The following SLC20A2 variants were observed in gnomAD, a reference collection of about 807,000 sequenced individuals.
The protein encoded by SLC20A2 is sodium-dependent phosphate transporter 2.
Under a neutral mutation model 61.0 loss-of-function variants are expected in SLC20A2, and 30 were observed. The observed-to-expected ratio is 0.49, with a 90% CI of 0.37 to 0.67. SLC20A2 has a LOEUF of 0.67. SLC20A2 is among the 30% of genes least tolerant of loss of function. The pLI is 0.00. For synonymous variants in SLC20A2, 351 were observed against 353.3 expected (o/e 0.99, Z 0.07); for missense variants, 626 against 866.4 (o/e 0.72, Z 3.48).
chr8:42,449,262 C>G (rs902173659), intron 5 of SLC20A2, among the ~76,000 whole-genome samples: 13 of 152,074 alleles, frequency 8.5e-5, no homozygotes, highest in Non-Finnish European at 1.8e-4. Flanking sequence ...GCCAGGAACC[C>G]GCGCAAGGAG....
chr8:42,537,808 G>A (rs1812804719), intron 1 of SLC20A2: 1 of 152,128 alleles, frequency 6.6e-6, no homozygotes, highest in African/African-American at 2.4e-5. Flanking sequence ...ACGCTACTTT[G>A]AAATTTTTAA....
At chr8:42,467,667 T>C (rs577824780) in intron 2 of SLC20A2, among the ~76,000 whole-genome samples, 91 of 152,292 alleles carry the variant, frequency 6.0e-4, no homozygotes, top group Admixed American at 1.1e-3. Flanking sequence ...TGCTGACCTT[T>C]GAGCTGAGGC....
chr8:42,457,066 G>A (rs1256869004), intron 5 of SLC20A2, among the ~76,000 whole-genome samples: 1 of 151,946 alleles, frequency 6.6e-6, no homozygotes, highest in East Asian at 1.9e-4. Context: ...TGGGATTACA[G>A]GTGCCCGCCA....
At chr8:42,515,911 C>A (rs1323986392) in intron 1 of SLC20A2, among the ~76,000 whole-genome samples, 2 of 152,158 alleles carry the variant, frequency 1.3e-5, no homozygotes, top group African/African-American at 4.8e-5. Flanking sequence ...TGCACTTCCA[C>A]AGGTCGGTAT....
chr8:42,469,203 G>A (rs1235285944), intron 2 of SLC20A2, among the ~76,000 whole-genome samples: 1 of 152,170 alleles, frequency 6.6e-6, no homozygotes, highest in African/African-American at 2.4e-5. Flanking sequence ...TGTGGTTTTG[G>A]CCAATGGTAA....
rs569882393 is a variant in SLC20A2 at position 42,484,920 on chromosome 8, CA to C, written c.-264-12267del. ...AGCTGGCCCTGAGACAGCAGCAGCA[CA>C]AAAAGGCCTCCAGGCCAAGAGGTGA... On this transcript the variant is annotated intron_variant, in intron 1 of 10. Coordinates refer to ENST00000520262, the MANE Select transcript of SLC20A2 (RefSeq NM_001257180.2). The C allele has an allele frequency of 1.2e-3, 493 of 414,172 alleles. 3 individuals carry two copies. The highest frequency in any genetic ancestry group is 8.1e-3 in the South Asian group (426 of 52,820). 25.7% of individuals were successfully genotyped at this position (414,172 alleles called of 1,614,324 possible).
intron 5 of SLC20A2, among the ~76,000 whole-genome samples, chr8:42,455,000 C>T (rs926058502): frequency 1.3e-5 from 2 of 151,532 alleles, no homozygotes; most frequent in East Asian, 2.0e-4. Context: ...CCGAGGTGGG[C>T]GGATCACCTC....
rs574993744 is a variant in SLC20A2, at chr8:42,450,415, A to G, written c.614-5653T>C. Among the ~76,000 whole-genome samples, 20 of 152,052 alleles carry G rather than the reference A, an allele frequency of 1.3e-4. No homozygotes were observed. The East Asian group carries it at 3.9e-3, about 29-fold the overall frequency. ...GCTAATTTTTGTATTTTTAGTAGAG[A>G]TGGGGTTTCACCATATTGGCCAACC... is the stretch of plus-strand genomic sequence containing the variant. On this transcript the variant is annotated intron_variant, in intron 5 of 10. Transcript: ENST00000520262.
chr8:42,527,752 G>C (rs1812068494), intron 1 of SLC20A2, among the ~76,000 whole-genome samples: 1 of 151,402 alleles, frequency 6.6e-6, no homozygotes, highest in African/African-American at 2.4e-5. Flanking sequence ...TGGGCAACAA[G>C]AGCGAAACTC....
In SLC20A2 at chr8:42,479,230, A is replaced by G. The variant is rs550250759; in HGVS notation, c.-264-6576T>C. Among the ~76,000 whole-genome samples, 3 of 152,354 alleles carry G rather than the reference A, an allele frequency of 2.0e-5. No individual in the cohort carries two copies. In the East Asian group the frequency reaches 5.8e-4, roughly 29 times the overall value. On this transcript the variant is annotated intron_variant, in intron 1 of 10. Coordinates refer to ENST00000520262, the MANE Select transcript of SLC20A2 (RefSeq NM_001257180.2). The stretch of plus-strand genomic sequence containing the variant: ...GTATTAAGTTTACGCAAATATAAAC[A>G]TTTCAGGTGAAAATCATTCCCATGG...
At chr8:42,420,207 CTT>C (rs1193952223) in intron 10 of SLC20A2, among the ~76,000 whole-genome samples, 1 of 151,732 alleles carries the variant, frequency 6.6e-6, no homozygotes, top group Non-Finnish European at 1.5e-5. Context: ...AAAATTGTCT[CTT>C]CATGTATTTT....
intron 10 of SLC20A2, among the ~76,000 whole-genome samples, chr8:42,418,507 C>T (rs1313498077): frequency 6.6e-6 from 1 of 152,132 alleles, no homozygotes; most frequent in African/African-American, 2.4e-5. Flanking sequence ...CTGTCTCAGC[C>T]TCCTGAGTAG....
chr8:42,468,674 G>C (rs1482237654), intron 2 of SLC20A2, among the ~76,000 whole-genome samples: 1 of 151,982 alleles, frequency 6.6e-6, no homozygotes, highest in East Asian at 1.9e-4. Flanking sequence ...GGGCATCTCA[G>C]AGGCCGCCAT....
In SLC20A2 at chr8:42,472,770, G is replaced by T. The variant is rs1807748693; in HGVS notation, c.-264-116C>A. ...TGGGATCTAACTTTGGCATGTGACG[G>T]ACCTAACCATAAAGCAATTCAAGGA... On this transcript the variant is annotated intron_variant, in intron 1 of 10. Transcript: ENST00000520262. This position sits in a 1 kb window ranked among gnomAD's most constrained non-coding sequence, Gnocchi z 4.1. The T allele has an allele frequency of 5.7e-6, 1 of 175,350 alleles. No homozygotes were observed. The highest frequency in any genetic ancestry group is 2.4e-5 in the African/African-American group (1 of 42,010). 10.9% of individuals were successfully genotyped at this position (175,350 alleles called of 1,614,324 possible). A position where few individuals can be genotyped will look rare whatever the true frequency, so the allele number is the denominator to read the frequency against.
chr8:42,468,064 G>A (rs551438811), intron 2 of SLC20A2, among the ~76,000 whole-genome samples: 62 of 151,896 alleles, frequency 4.1e-4, no homozygotes, highest in African/African-American at 1.2e-3. Context: ...TACCACGCCC[G>A]GCTAATTTTT....
intron 5 of SLC20A2, among the ~76,000 whole-genome samples, chr8:42,455,625 A>G (rs1166046741): frequency 6.6e-6 from 1 of 152,022 alleles, no homozygotes; most frequent in African/African-American, 2.4e-5. Flanking sequence ...GCTGGAGCCT[A>G]GGTGACAGAA....
chr8:42,464,092 CT>C (rs1170751054), intron 3 of SLC20A2, among the ~76,000 whole-genome samples: 40 of 20,536 alleles, frequency 1.9e-3, no homozygotes, highest in South Asian at 4.0e-3. Context: ...GCTGGATGAT[CT>C]TTTTTTTTTT....
intron 1 of SLC20A2, among the ~76,000 whole-genome samples, chr8:42,477,084 C>T (rs1808172187): frequency 6.6e-6 from 1 of 152,184 alleles, no homozygotes; most frequent in Non-Finnish European, 1.5e-5. Context: ...AGCATAAGGC[C>T]CCGTCGCAGT....
At chr8:42,493,962 C>T (rs867012716) in intron 1 of SLC20A2, among the ~76,000 whole-genome samples, 3 of 152,042 alleles carry the variant, frequency 2.0e-5, no homozygotes, top group African/African-American at 7.2e-5. Flanking sequence ...GGTAACATAG[C>T]GAGACCCTGT....
Sources: allele counts gnomAD v4.1 joint callset (sites outside exome capture counted in the v4.1 genomes callset), GRCh38; gene constraint gnomAD v4.1.1; non-coding constraint Gnocchi (gnomAD v3.1); transcripts MANE v1.5; gene names NCBI Gene and HGNC (gene_info 2026-07-23, HGNC 2026-07-21).